The following SGSM2 variants were observed in gnomAD, a reference collection of about 807,000 sequenced individuals.
SGSM2 encodes small G protein signaling modulator 2, also known as RUN and TBC1 domain containing 1.
Under a neutral mutation model 126.6 loss-of-function variants are expected in SGSM2, and 89 were observed. The observed-to-expected ratio is 0.70, with a 90% CI of 0.59 to 0.84. SGSM2 has a LOEUF of 0.84. Among genes scored for constraint, SGSM2 ranks in the 40% least tolerant of loss-of-function variants. The probability of loss-of-function intolerance (pLI) is 0.00; values close to 1 mark genes in which losing one functional copy is unlikely to be tolerated. For missense variants in SGSM2, 1,404 were observed against 1,416.6 expected, an observed-to-expected ratio of 0.99 and a Z score of 0.14; for synonymous variants, 614 against 574.3, an observed-to-expected ratio of 1.07 and a Z score of -0.99.
Position 2,337,814 on chromosome 17 carries a change from C to A in SGSM2, c.57+69C>A. On this transcript the variant is annotated intron_variant, in intron 1 of 23. Coordinates refer to ENST00000268989, the MANE Select transcript of SGSM2 (RefSeq NM_014853.3). This position sits in a 1 kb window ranked among gnomAD's most constrained non-coding sequence, Gnocchi z 5.1. ...GCGCGGCCCAGGGGGCAGAAAGGTC[C>A]GCGCCCACCCCCCGGCGCGGGCACC... The A allele has an allele frequency of 8.0e-7, 1 of 1,244,584 alleles. No homozygotes were observed. Among genetic ancestry groups the A allele is most frequent in the South Asian group, 1.7e-5 (1 of 60,262 alleles). The allele number at this position is 1,244,584 out of a possible 1,614,324, so 77.1% of individuals were successfully genotyped here. A position where few individuals can be genotyped will look rare whatever the true frequency, so the allele number is the denominator to read the frequency against.
In SGSM2 at chr17:2,375,799, C is replaced by T. The variant is rs1270948933; in HGVS notation, c.2408C>T (p.Pro803Leu). The T allele has an allele frequency of 6.4e-7, 1 of 1,571,776 alleles. No individual in the cohort carries two copies. Among genetic ancestry groups the T allele is most frequent in the African/African-American group, 1.4e-5 (1 of 73,870 alleles). Reference sequence around the variant, plus strand: ...CACACTTTGAGGGAGCCCCAGGATCCCAGCCAGGAGAAGCCTCAGGCCGGA... The same window carrying T: ...CACACTTTGAGGGAGCCCCAGGATCTCAGCCAGGAGAAGCCTCAGGCCGGA... ...AAHTLREPQD[P>L]SQEKPQAGEL... Residue 803 changes from proline to leucine, a missense_variant, in exon 18 of 24, where the codon CCC becomes CTC. Coordinates refer to ENST00000268989, the MANE Select transcript of SGSM2 (RefSeq NM_014853.3).
chr17:2,376,646 C>A, intron 19 of SGSM2, 87 bp from the exon 20 acceptor site: 1 of 1,404,016 alleles, frequency 7.1e-7, no homozygotes, highest in African/African-American at 1.4e-5. Flanking sequence ...TTCTGGGCGG[C>A]AGGTGGCTCT....
At position 2,379,044 on chromosome 17, in the gene SGSM2, TATGAGG is replaced by T; in HGVS notation, c.2912_2917del (p.Glu971_Asp972del). The T allele has an allele frequency of 6.2e-7, 1 of 1,614,018 alleles. No individual in the cohort carries two copies. ...CCGCTTACTCTCCGCAGAACTGCTG[TATGAGG>T]ATGTGTTTGCTGTGTGGGAGGTGAT... On this transcript the variant is annotated inframe_deletion, in exon 23 of 24. Transcript: ENST00000268989.
Position 2,376,251 on chromosome 17 carries a change from G to A in SGSM2, c.2599G>A (p.Val867Ile), listed in dbSNP as rs769433315. The A allele has an allele frequency of 2.2e-5, 35 of 1,613,596 alleles. No homozygotes were observed. The highest frequency in any genetic ancestry group is 2.9e-5 in the Non-Finnish European group (34 of 1,179,988). Residue 867 changes from valine to isoleucine, a missense_variant, in exon 19 of 24, where the codon GTC (valine) becomes ATC (isoleucine). Coordinates refer to ENST00000268989, the MANE Select transcript of SGSM2 (RefSeq NM_014853.3). The part of the protein sequence containing the change: ...TPPNLERLRD[V>I]MCSYVWEHLD... ...CCCCAACCTCGAGAGGCTCAGAGAC[G>A]TCATGTGCAGGTGCCTTGTGGGGCG...
intron 17 of SGSM2, 30 bp downstream of exon 17, chr17:2,373,543 G>T (rs754822791): frequency 1.3e-6 from 2 of 1,571,184 alleles, no homozygotes; most frequent in Non-Finnish European, 1.7e-6. Flanking sequence ...GAGGGTTGGG[G>T]GTCTCGGGGG....
At position 2,379,730 on chromosome 17, in the gene SGSM2, G is replaced by C. The variant is rs556401607; in HGVS notation, c.*210G>C. ...CCCTCGGATCAGGGCCGGGATGGGA[G>C]GGGTCAGCCTCAGGGAGCAGCTGCC... On this transcript the variant is annotated 3_prime_UTR_variant, in exon 24 of 24. Coordinates refer to ENST00000268989, the MANE Select transcript of SGSM2 (RefSeq NM_014853.3). 3.1e-5 allele frequency: 43 copies of C among 1,406,704 alleles called. No homozygotes were observed. In the Admixed American group the frequency reaches 9.1e-4, roughly 30 times the overall value. 87.1% of individuals were successfully genotyped at this position (1,406,704 alleles called of 1,614,324 possible).
In SGSM2 at chr17:2,373,502, A is replaced by G. The variant is rs1332163700; in HGVS notation, c.2089A>G (p.Ile697Val). 6.2e-7 allele frequency: 1 copy of G among 1,602,778 alleles called. No individual in the cohort carries two copies. Among genetic ancestry groups the G allele is most frequent in the South Asian group, 1.1e-5 (1 of 90,962 alleles). Residue 697 changes from isoleucine to valine, a missense_variant, in exon 17 of 24, where the codon ATC becomes GTC. Transcript: ENST00000268989. Reference protein sequence around the residue: ...VQRLIHRDSTISNDVFISVDD... With the variant: ...VQRLIHRDSTVSNDVFISVDD... ...GCGCCTCATCCACCGAGACTCCACC[A>G]TCAGCAACGATGTGAGCCAGACGGG...
chr17:2,375,200 G>A lies in SGSM2; in HGVS notation c.2101-292G>A, dbSNP rs982750612. 3.4e-5 allele frequency: 11 copies of A among 323,910 alleles called. No individual in the cohort carries two copies. In the Admixed American group the frequency reaches 3.7e-4, roughly 11 times the overall value. 20.1% of individuals were successfully genotyped at this position (323,910 alleles called of 1,614,324 possible). A position where few individuals can be genotyped will look rare whatever the true frequency, so the allele number is the denominator to read the frequency against. On this transcript the variant is annotated intron_variant, in intron 17 of 23. Transcript: ENST00000268989. The stretch of plus-strand genomic sequence containing the variant: ...ACTGAGTTCAAACTGGCCATTGAGC[G>A]TTCAGCCCCCTGGCTCCCCTACTTC...
rs753519251 is a variant in SGSM2, at chr17:2,337,644, G to A, written c.-45G>A. The A allele has an allele frequency of 2.2e-6, 3 of 1,365,130 alleles. No individual in the cohort carries two copies. Among genetic ancestry groups the A allele is most frequent in the Non-Finnish European group, 2.9e-6 (3 of 1,037,260 alleles). The allele number at this position is 1,365,130 out of a possible 1,614,324, so 84.6% of individuals were successfully genotyped here. On this transcript the variant is annotated 5_prime_UTR_variant, in exon 1 of 24. Coordinates refer to ENST00000268989, the MANE Select transcript of SGSM2 (RefSeq NM_014853.3). The surrounding 1 kb of genome is among the most constrained non-coding windows in gnomAD (Gnocchi z 5.1). ...GCCGAGAGGCGCGGAGGCGGCGAGGGCGCGGGGGCTCTGAGGACCGCTCGG... is the reference window on the plus strand; with the variant it reads ...GCCGAGAGGCGCGGAGGCGGCGAGGACGCGGGGGCTCTGAGGACCGCTCGG...
intron 19 of SGSM2, 68 bp downstream of exon 19, chr17:2,376,329 G>A (rs1475342714): frequency 6.4e-7 from 1 of 1,554,432 alleles, no homozygotes; most frequent in Non-Finnish European, 8.7e-7. Flanking sequence ...TGAAGATGAG[G>A]TCCGGAAGGT....
chr17:2,354,566 G>A (rs2065011532), intron 2 of SGSM2, among the ~76,000 whole-genome samples: 1 of 152,198 alleles, frequency 6.6e-6, no homozygotes, highest in African/African-American at 2.4e-5. Flanking sequence ...TGGGCATGTG[G>A]ATGACTTCCA....
Position 2,362,896 on chromosome 17 carries a change from T to G in SGSM2, c.517T>G (p.Ser173Ala). The change falls in exon 5 of 24, where the codon TCT becomes GCT. Residue 173 changes from serine (S) to alanine (A), a missense_variant. Physicochemically the swap from Ser to Ala is moderately conservative, Grantham distance 99. Transcript: ENST00000268989. This position sits in a 1 kb window ranked among gnomAD's most constrained non-coding sequence, Gnocchi z 4.9. ...CCCTGTGTTCGGCCCGATCCTGGCC[T>G]CTCTTCTAGGTGAGCCTGAGAGCAC... is the stretch of plus-strand genomic sequence containing the variant. ...ADPVFGPILASLLVGPCALEY... is the reference protein window; with the variant it reads ...ADPVFGPILAALLVGPCALEY... 6.2e-7 allele frequency: 1 copy of G among 1,614,166 alleles called. No homozygotes were observed. Among genetic ancestry groups the G allele is most frequent in the Non-Finnish European group, 8.5e-7 (1 of 1,180,024 alleles).
chr17:2,380,004 A>G lies in SGSM2; in HGVS notation c.*484A>G, dbSNP rs2151652694. On this transcript the variant is annotated 3_prime_UTR_variant, in exon 24 of 24. Coordinates refer to ENST00000268989, the MANE Select transcript of SGSM2 (RefSeq NM_014853.3). ...TGCACCAGCCCCAGCTGGAGCAACCAAAACTGCTTCTGGTTTAGGCACACG... is the reference window on the plus strand; with the variant it reads ...TGCACCAGCCCCAGCTGGAGCAACCGAAACTGCTTCTGGTTTAGGCACACG... 4.3e-6 allele frequency: 6 copies of G among 1,389,378 alleles called. No homozygotes were observed. The African/African-American group carries it at 5.8e-5, about 14-fold the overall frequency. The allele number at this position is 1,389,378 out of a possible 1,614,324, so 86.1% of individuals were successfully genotyped here.
intron 12 of SGSM2, among the ~76,000 whole-genome samples, chr17:2,370,827 A>G (rs1029840574): frequency 5.9e-5 from 9 of 152,224 alleles, no homozygotes; most frequent in African/African-American, 2.2e-4. Context: ...AAGTATTCCA[A>G]AGACCTCCTT....
chr17:2,367,536 A>T lies in SGSM2; in HGVS notation c.1423+131A>T. 1 of 1,030,832 alleles carries T rather than the reference A, an allele frequency of 9.7e-7. No homozygotes were observed. The highest frequency in any genetic ancestry group is 1.4e-6 in the Non-Finnish European group (1 of 716,012). 63.9% of individuals were successfully genotyped at this position (1,030,832 alleles called of 1,614,324 possible). A position where few individuals can be genotyped will look rare whatever the true frequency, so the allele number is the denominator to read the frequency against. ...CTTGCACCCAGGGCAGTTCCCTTCC[A>T]TCGGGGGCAGATCAGGGAGGGCAGA... On this transcript the variant is annotated intron_variant, in intron 12 of 23. Transcript: ENST00000268989. The surrounding 1 kb of genome is among the most constrained non-coding windows in gnomAD (Gnocchi z 4.0).
chr17:2,361,897 C>T, intron 3 of SGSM2, 98 bp downstream of exon 3: 1 of 1,448,674 alleles, frequency 6.9e-7, no homozygotes, highest in East Asian at 2.3e-5. Flanking sequence ...GCATCCTGGG[C>T]CTGTTCCTTG....
At chr17:2,365,441 C>A (rs1029867395) in intron 11 of SGSM2, 100 bp downstream of exon 11, 2 of 1,365,186 alleles carry the variant, frequency 1.5e-6, no homozygotes, top group East Asian at 5.1e-5. Context: ...GGCCCACTGA[C>A]CAGGCCAGGT....
chr17:2,370,808 C>T (rs1390815804), intron 12 of SGSM2, among the ~76,000 whole-genome samples: 2 of 152,218 alleles, frequency 1.3e-5, no homozygotes, highest in Non-Finnish European at 2.9e-5. Flanking sequence ...GGGGAGCGTT[C>T]AGAGTTGGAA....
Position 2,380,420 on chromosome 17 carries a change from C to T in SGSM2, c.*900C>T, listed in dbSNP as rs746969255. 61 of 988,682 alleles carry T rather than the reference C, an allele frequency of 6.2e-5. No individual in the cohort carries two copies. The South Asian group carries it at 8.4e-4, about 14-fold the overall frequency. 61.2% of individuals were successfully genotyped at this position (988,682 alleles called of 1,614,324 possible). ...TCAGAGACAGGCCTCAGTTCGAGGGCAGCCCATTATCTGTCGCAGACATCT... is the reference window on the plus strand; with the variant it reads ...TCAGAGACAGGCCTCAGTTCGAGGGTAGCCCATTATCTGTCGCAGACATCT... On this transcript the variant is annotated 3_prime_UTR_variant, in exon 24 of 24. Transcript: ENST00000268989.
Sources: gnomAD v4.1 joint callset for allele counts (sites outside exome capture counted in the v4.1 genomes callset) on GRCh38, gnomAD v4.1.1 for gene constraint, Gnocchi (gnomAD v3.1) non-coding constraint, MANE v1.5 for transcripts, NCBI Gene and HGNC (gene_info 2026-07-23, HGNC 2026-07-21) for gene names.